KCNK2: variants seen among roughly 807,000 people sequenced by gnomAD.
KCNK2 encodes the protein potassium channel subfamily K member 2.
Under a neutral mutation model 40.5 loss-of-function variants are expected in KCNK2, and 21 were observed. That is an observed-to-expected ratio of 0.52 (90% CI 0.37 to 0.75). The LOEUF is 0.75. KCNK2 is among the 30% of genes least tolerant of loss of function. The pLI, the probability that KCNK2 is intolerant of heterozygous loss-of-function variation, is 0.00. For synonymous variants in KCNK2, 191 were observed against 202.2 expected (o/e 0.94, Z 0.47); for missense variants, 399 against 531.6 (o/e 0.75, Z 2.45).
chr1:215,204,377 AT>A (rs1359727570), intron 6 of KCNK2, among the ~76,000 whole-genome samples: 2 of 151,758 alleles, frequency 1.3e-5, no homozygotes, highest in African/African-American at 4.8e-5. Context: ...ATTCAGAATA[AT>A]TTTTTTTCTA....
chr1:215,234,705 G>A, intron 6 of KCNK2, 123 bp from the exon 7 acceptor site: 1 of 839,830 alleles, frequency 1.2e-6, no homozygotes, highest in South Asian at 1.7e-5. Context: ...GACCACCAGT[G>A]CTGTAAAAGA....
intron 2 of KCNK2, among the ~76,000 whole-genome samples, chr1:215,092,791 C>A (rs879709519): frequency 2.6e-5 from 4 of 152,182 alleles, no homozygotes; most frequent in Admixed American, 2.6e-4. Context: ...ATCCATTGCA[C>A]TGTTACTAAC....
intron 6 of KCNK2, among the ~76,000 whole-genome samples, chr1:215,218,912 C>A (rs1042172950): frequency 5.3e-5 from 8 of 152,116 alleles, no homozygotes; most frequent in Admixed American, 4.6e-4. Flanking sequence ...TGAAATAGTG[C>A]TAAAATATTT....
intron 6 of KCNK2, among the ~76,000 whole-genome samples, chr1:215,228,726 C>G (rs1666497039): frequency 6.6e-6 from 1 of 152,022 alleles, no homozygotes; most frequent in South Asian, 2.1e-4. Flanking sequence ...TATTTTAATG[C>G]ACAAGGATTA....
At chr1:215,159,996 T>C (rs1237669295) in intron 3 of KCNK2, among the ~76,000 whole-genome samples, 4 of 152,142 alleles carry the variant, frequency 2.6e-5, no homozygotes, top group African/African-American at 9.7e-5. Flanking sequence ...CCCTCCATTC[T>C]TCAAAAACAT....
chr1:215,098,057 T>A (rs963940925), intron 2 of KCNK2, among the ~76,000 whole-genome samples: 2 of 152,012 alleles, frequency 1.3e-5, no homozygotes, highest in African/African-American at 4.8e-5. Context: ...TCCATGATCA[T>A]GTCTATCTTG....
chr1:215,174,346 C>T (rs1462912675), intron 5 of KCNK2, among the ~76,000 whole-genome samples: 1 of 152,118 alleles, frequency 6.6e-6, no homozygotes, highest in Non-Finnish European at 1.5e-5. Context: ...GTTTTGGTAC[C>T]AGTACCATGC....
At chr1:215,082,699 G>A (rs995311311), upstream of KCNK2, among the ~76,000 whole-genome samples, 1 of 151,972 alleles carries the variant, frequency 6.6e-6, no homozygotes. Context: ...GAGACAGGAG[G>A]GGGAGGAGGC....
At chr1:215,128,636 T>A (rs1661538123) in intron 3 of KCNK2, among the ~76,000 whole-genome samples, 2 of 152,166 alleles carry the variant, frequency 1.3e-5, no homozygotes, top group African/African-American at 4.8e-5. Context: ...AAGTTGGATT[T>A]GAACTGTGAC....
intron 3 of KCNK2, among the ~76,000 whole-genome samples, chr1:215,155,000 T>A (rs1031317864): frequency 2.6e-5 from 4 of 152,174 alleles, no homozygotes; most frequent in African/African-American, 7.2e-5. Flanking sequence ...TTGTTTTCTT[T>A]ATGGCTCTTA....
At chr1:215,202,220 C>T (rs1006635658) in intron 6 of KCNK2, among the ~76,000 whole-genome samples, 1 of 152,122 alleles carries the variant, frequency 6.6e-6, no homozygotes, top group African/African-American at 2.4e-5. Flanking sequence ...AAGGAATACA[C>T]AAAAGACCCG....
intron 3 of KCNK2, among the ~76,000 whole-genome samples, chr1:215,157,639 T>G (rs1357548780): frequency 6.6e-6 from 1 of 152,192 alleles, no homozygotes; most frequent in Non-Finnish European, 1.5e-5. Flanking sequence ...TCTGCCCATT[T>G]TTCTTCTTGC....
intron 5 of KCNK2, among the ~76,000 whole-genome samples, chr1:215,178,527 G>T (rs2102646133): frequency 6.6e-6 from 1 of 152,174 alleles, no homozygotes; most frequent in East Asian, 1.9e-4. Context: ...TTTGACATAT[G>T]TTTCATCAAT....
intron 3 of KCNK2, among the ~76,000 whole-genome samples, chr1:215,160,372 A>G (rs1041808636): frequency 6.6e-6 from 1 of 152,238 alleles, no homozygotes; most frequent in African/African-American, 2.4e-5. Context: ...CAGGAAGCAT[A>G]TACAGGAGTT....
intron 1 of KCNK2, among the ~76,000 whole-genome samples, chr1:215,023,329 CTT>C (rs1656877297): frequency 6.6e-6 from 1 of 152,204 alleles, no homozygotes; most frequent in Non-Finnish European, 1.5e-5. Flanking sequence ...CCTGTGCACT[CTT>C]CTTGACAGAG....
intron 1 of KCNK2, among the ~76,000 whole-genome samples, chr1:215,062,742 A>T (rs1005128400): frequency 1.3e-5 from 2 of 152,038 alleles, no homozygotes; most frequent in South Asian, 4.2e-4. Context: ...TGTTTAAATT[A>T]AAGGCCTGCT....
At chr1:215,081,480 G>T (rs1036859780), upstream of KCNK2, among the ~76,000 whole-genome samples, 8 of 105,732 alleles carry the variant, frequency 7.6e-5, no homozygotes, top group Non-Finnish European at 1.7e-4. Context: ...ATATTAGGAA[G>T]ATTTTTTTTT....
At chr1:215,069,243 G>C (rs1321997110) in intron 1 of KCNK2, among the ~76,000 whole-genome samples, 1 of 152,148 alleles carries the variant, frequency 6.6e-6, no homozygotes, top group African/African-American at 2.4e-5. Flanking sequence ...TCTGCGCTTT[G>C]TTGGCCGCAT....
At chr1:215,188,085 A>G (rs1664522527) in intron 5 of KCNK2, among the ~76,000 whole-genome samples, 1 of 152,188 alleles carries the variant, frequency 6.6e-6, no homozygotes, top group Non-Finnish European at 1.5e-5. Flanking sequence ...CACATATTCC[A>G]TCTGAGCATG....
Sources: gnomAD v4.1 joint callset for allele counts (sites outside exome capture counted in the v4.1 genomes callset) on GRCh38, gnomAD v4.1.1 for gene constraint, MANE v1.5 for transcripts, NCBI Gene and HGNC (gene_info 2026-07-23, HGNC 2026-07-21) for gene names.